Variants in ITPR2 observed in about 807,000 individuals in gnomAD.
The protein encoded by ITPR2 is inositol 1,4,5-trisphosphate receptor type 2.
ITPR2 carries 207 observed loss-of-function variants against 317.1 expected under a neutral mutation model. The observed-to-expected ratio is 0.65, with a 90% confidence interval of 0.58 to 0.73. ITPR2 has a LOEUF of 0.73. Ranked by LOEUF, ITPR2 falls within the 30% of genes least tolerant of loss-of-function variation. The pLI, the probability that ITPR2 is intolerant of heterozygous loss-of-function variation, is 0.00. For missense variants in ITPR2, 2,613 were observed against 3,284.0 expected, an observed-to-expected ratio of 0.80 and a Z score of 4.99; for synonymous variants, 1,156 against 1,149.1, an observed-to-expected ratio of 1.01 and a Z score of -0.12.
chr12:26,567,643 T>A (rs1453869100), intron 34 of ITPR2, among the ~76,000 whole-genome samples: 1 of 152,076 alleles, frequency 6.6e-6, no homozygotes, highest in Non-Finnish European at 1.5e-5. Context: ...CAAAGTTTTT[T>A]CAAACAATTG....
At chr12:26,595,088 C>T (rs1565628034) in intron 32 of ITPR2, among the ~76,000 whole-genome samples, 1 of 152,164 alleles carries the variant, frequency 6.6e-6, no homozygotes, top group Non-Finnish European at 1.5e-5. Flanking sequence ...TAGTCAAGAC[C>T]TCTTTAGGTC....
chr12:26,433,562 C>A (rs1941275663), intron 48 of ITPR2, among the ~76,000 whole-genome samples: 1 of 152,066 alleles, frequency 6.6e-6, no homozygotes, highest in Non-Finnish European at 1.5e-5. Flanking sequence ...GATTTCAATT[C>A]CTTCAACTTA....
chr12:26,370,995 T>A (rs1939172614), intron 55 of ITPR2, among the ~76,000 whole-genome samples: 3 of 152,178 alleles, frequency 2.0e-5, no homozygotes, highest in Admixed American at 6.5e-5. Flanking sequence ...TATGTATGAT[T>A]TCCAAAACTC....
intron 21 of ITPR2, among the ~76,000 whole-genome samples, chr12:26,638,451 C>T (rs1204171909): frequency 6.6e-6 from 1 of 152,166 alleles, no homozygotes; most frequent in Non-Finnish European, 1.5e-5. Context: ...CTCTTGTGCC[C>T]TTTCACAGTC....
intron 45 of ITPR2, among the ~76,000 whole-genome samples, chr12:26,444,679 G>A (rs1393543920): frequency 2.0e-5 from 3 of 152,022 alleles, no homozygotes; most frequent in African/African-American, 7.2e-5. Context: ...ACATTACGGA[G>A]CAATAAGTTT....
intron 2 of ITPR2, among the ~76,000 whole-genome samples, chr12:26,769,222 T>A (rs933025314): frequency 6.6e-6 from 1 of 152,228 alleles, no homozygotes; most frequent in African/African-American, 2.4e-5. Context: ...TCATGTGGGC[T>A]GCTCTATTGG....
At chr12:26,773,476 C>A (rs575297077) in intron 2 of ITPR2, among the ~76,000 whole-genome samples, 5 of 152,172 alleles carry the variant, frequency 3.3e-5, no homozygotes, top group Admixed American at 2.0e-4. Flanking sequence ...AGCTGGAGAG[C>A]TGTTCTTACC....
At chr12:26,599,474 A>T in intron 29 of ITPR2, 129 bp from the exon 30 acceptor site, 1 of 785,772 alleles carries the variant, frequency 1.3e-6, no homozygotes, top group Non-Finnish European at 2.1e-6. Context: ...TTTTCTGTGC[A>T]TGTCTTTCAA....
chr12:26,802,984 A>G (rs1950585178), intron 1 of ITPR2, among the ~76,000 whole-genome samples: 1 of 152,228 alleles, frequency 6.6e-6, no homozygotes, highest in Admixed American at 6.5e-5. Flanking sequence ...TTGAGCATAT[A>G]TGGAATATTA....
intron 1 of ITPR2, among the ~76,000 whole-genome samples, chr12:26,790,484 G>C (rs750496660): frequency 3.9e-5 from 6 of 152,026 alleles, no homozygotes; most frequent in Non-Finnish European, 8.8e-5. Flanking sequence ...GGAACACTGC[G>C]GAGCTGTTTA....
intron 2 of ITPR2, among the ~76,000 whole-genome samples, chr12:26,782,456 T>C (rs954778713): frequency 2.0e-5 from 3 of 151,638 alleles, no homozygotes; most frequent in African/African-American, 7.3e-5. Context: ...TCTAAACAAA[T>C]AGTTAAAGGG....
intron 26 of ITPR2, among the ~76,000 whole-genome samples, chr12:26,619,631 T>C (rs141026195): frequency 1.0e-3 from 154 of 152,210 alleles, no homozygotes; most frequent in Non-Finnish European, 2.0e-3. Context: ...ATATCTAGAA[T>C]GCTACTGCCA....
chr12:26,833,005 G>A lies in ITPR2; in HGVS notation c.-224C>T. On this transcript the variant is annotated 5_prime_UTR_variant, in exon 1 of 57. Transcript: ENST00000381340. ...GCCGCAGCTGCGGACACCCCGCGAA[G>A]AGCGCAGCCCAGGCGCCCAGAGAAG... 1 of 508,718 alleles carries A rather than the reference G, an allele frequency of 2.0e-6. No homozygotes were observed. Among genetic ancestry groups the A allele is most frequent in the South Asian group, 2.5e-5 (1 of 40,204 alleles). The allele number at this position is 508,718 out of a possible 1,614,324, so 31.5% of individuals were successfully genotyped here.
At chr12:26,674,034 T>G (rs1238602355) in intron 13 of ITPR2, among the ~76,000 whole-genome samples, 9 of 138,180 alleles carry the variant, frequency 6.5e-5, no homozygotes, top group African/African-American at 2.3e-4. Context: ...CACTGCTCAA[T>G]GAAATAAAAG....
At chr12:26,675,783 G>A (rs942283922) in intron 13 of ITPR2, among the ~76,000 whole-genome samples, 54 of 152,274 alleles carry the variant, frequency 3.5e-4, no homozygotes, top group African/African-American at 1.3e-3. Flanking sequence ...AGCAACAAGA[G>A]ATGCTAGAAA....
intron 1 of ITPR2, among the ~76,000 whole-genome samples, chr12:26,811,964 C>A (rs1429277820): frequency 1.3e-5 from 2 of 151,196 alleles, no homozygotes; most frequent in Non-Finnish European, 2.9e-5. Context: ...GAGTTCAAGA[C>A]CAGCCTGGCC....
chr12:26,525,952 C>T (rs1943800364), intron 37 of ITPR2, among the ~76,000 whole-genome samples: 1 of 152,216 alleles, frequency 6.6e-6, no homozygotes, highest in South Asian at 2.1e-4. Context: ...GCCAGCATTC[C>T]TGCTAGGCTC....
intron 1 of ITPR2, among the ~76,000 whole-genome samples, chr12:26,819,732 C>T (rs1034867409): frequency 4.6e-5 from 7 of 151,836 alleles, no homozygotes; most frequent in Non-Finnish European, 1.0e-4. Context: ...AAATATTAAC[C>T]TTTCTTTAAT....
intron 54 of ITPR2, among the ~76,000 whole-genome samples, chr12:26,395,847 G>T (rs1379685201): frequency 6.6e-6 from 1 of 152,112 alleles, no homozygotes; most frequent in Non-Finnish European, 1.5e-5. Flanking sequence ...CTCAAATCTT[G>T]GCTCTTCTGC....
Sources: allele counts gnomAD v4.1 joint callset (sites outside exome capture counted in the v4.1 genomes callset), GRCh38; gene constraint gnomAD v4.1.1; transcripts MANE v1.5; gene names NCBI Gene and HGNC (gene_info 2026-07-23, HGNC 2026-07-21).